TAF1B: variants seen among roughly 807,000 people sequenced by gnomAD.
The protein encoded by TAF1B is TATA box-binding protein-associated factor RNA polymerase I subunit B.
In TAF1B, 61 loss-of-function variants were observed where a neutral mutation model predicts 83.9. That is an observed-to-expected ratio of 0.73 (90% CI 0.59 to 0.90). The LOEUF (loss-of-function observed/expected upper bound fraction) is 0.90, where lower values mean the gene tolerates loss of function less well. Ranked by LOEUF, TAF1B falls within the 40% of genes least tolerant of loss-of-function variation. The pLI, the probability that TAF1B is intolerant of heterozygous loss-of-function variation, is 0.00. For synonymous variants in TAF1B, 221 were observed against 224.6 expected (o/e 0.98, Z 0.14); for missense variants, 625 against 677.0 (o/e 0.92, Z 0.85).
chr2:9,857,484 C>T (rs974384270), intron 5 of TAF1B, among the ~76,000 whole-genome samples: 1 of 152,188 alleles, frequency 6.6e-6, no homozygotes, highest in South Asian at 2.1e-4. Context: ...GAGTTGCCAT[C>T]AGCTGAAGGG....
chr2:9,921,369 G>A (rs1665873512), intron 14 of TAF1B, among the ~76,000 whole-genome samples: 1 of 152,214 alleles, frequency 6.6e-6, no homozygotes, highest in African/African-American at 2.4e-5. Context: ...TGGGATTACA[G>A]GTGTGAGCCA....
chr2:9,898,938 CT>C (rs368467402), intron 8 of TAF1B, among the ~76,000 whole-genome samples: 41,603 of 142,956 alleles, frequency 0.29, 6,582 homozygotes, highest in Middle Eastern at 0.4. Context: ...TTCCTTTTTT[CT>C]TTTTTTTTTT....
chr2:9,923,181 T>C (rs1225186664), intron 14 of TAF1B, among the ~76,000 whole-genome samples: 1 of 146,742 alleles, frequency 6.8e-6, no homozygotes, highest in Non-Finnish European at 1.5e-5. Flanking sequence ...TTGGTTGCAG[T>C]GAGCTGAGAG....
At chr2:9,855,169 A>G (rs1310899432) in intron 5 of TAF1B, among the ~76,000 whole-genome samples, 2 of 152,148 alleles carry the variant, frequency 1.3e-5, no homozygotes, top group South Asian at 4.2e-4. Flanking sequence ...TCATTTTTGT[A>G]TTTTTAGTAG....
In TAF1B at chr2:9,919,764, A is replaced by G. The variant is rs758184195; in HGVS notation, c.1509A>G (p.Gln503=). 7 of 1,614,098 alleles carry G rather than the reference A, an allele frequency of 4.3e-6. No homozygotes were observed. Among genetic ancestry groups the G allele is most frequent in the Non-Finnish European group, 5.9e-6 (7 of 1,180,040 alleles). ...SLQGVLKEKG[Q]SLLTKNSLYW... ...AGGGAGTCCTGAAAGAGAAAGGCCA[A>G]TCACTGCTGACTAAGAATTCATTAT... is the stretch of plus-strand genomic sequence containing the variant. The change falls in exon 14 of 15, where the codon CAA becomes CAG. Residue 503 remains glutamine (Q), a synonymous_variant. Transcript: ENST00000263663.
intron 2 of TAF1B, among the ~76,000 whole-genome samples, chr2:9,847,186 C>T (rs372238485): frequency 2.0e-5 from 3 of 152,184 alleles, no homozygotes; most frequent in African/African-American, 7.2e-5. Context: ...GGAAGACTGT[C>T]AACTCCTGTG....
chr2:9,913,070 G>T (rs1441903037), intron 11 of TAF1B, 89 bp from the exon 12 acceptor site: 39 of 1,063,568 alleles, frequency 3.7e-5, no homozygotes, highest in South Asian at 9.8e-5. Flanking sequence ...ACTGCCCAGT[G>T]CAGTCAATTA....
At chr2:9,882,062 G>A (rs1300744740) in intron 7 of TAF1B, among the ~76,000 whole-genome samples, 1 of 152,038 alleles carries the variant, frequency 6.6e-6, no homozygotes, top group African/African-American at 2.4e-5. Flanking sequence ...TGCCATGTTG[G>A]AAAGCCTAGT....
intron 5 of TAF1B, among the ~76,000 whole-genome samples, chr2:9,857,037 G>A (rs1235699857): frequency 6.6e-6 from 1 of 152,158 alleles, no homozygotes; most frequent in Non-Finnish European, 1.5e-5. Context: ...ATGTGCAGAA[G>A]AAGCAAATTA....
chr2:9,933,806 A>G lies in TAF1B; in HGVS notation c.1589A>G (p.Tyr530Cys), dbSNP rs781060198. ...CRCYCTHVTT[Y>C]EESNYSLSYQ... ...AGCTATTGTACACATGTGACAACCT[A>G]TGAAGAATCAAATTATTCTCTGAGT... Residue 530 changes from tyrosine (Y) to cysteine (C), a missense_variant, in exon 15 of 15, where the codon TAT becomes TGT. Transcript: ENST00000263663. The G allele has an allele frequency of 6.2e-6, 10 of 1,613,216 alleles. No homozygotes were observed. The highest frequency in any genetic ancestry group is 1.3e-5 in the African/African-American group (1 of 74,890).
In TAF1B at chr2:9,843,536, G is replaced by C. The variant is rs1396868927; in HGVS notation, c.-6G>C. 2 of 1,523,470 alleles carry C rather than the reference G, an allele frequency of 1.3e-6. No individual in the cohort carries two copies. The highest frequency in any genetic ancestry group is 4.0e-5 in the Admixed American group (2 of 49,864). The allele number at this position is 1,523,470 out of a possible 1,614,324, so 94.4% of individuals were successfully genotyped here. A position where few individuals can be genotyped will look rare whatever the true frequency, so the allele number is the denominator to read the frequency against. ...TCCCGGCTGTGGAAGCTCCCGCGGC[G>C]CCGCGATGGACCTCGAGGAGGCGGT... On this transcript the variant is annotated 5_prime_UTR_variant, in exon 1 of 15. Transcript: ENST00000263663.
At chr2:9,904,763 T>A in intron 8 of TAF1B, 96 bp from the exon 9 acceptor site, 1 of 1,223,704 alleles carries the variant, frequency 8.2e-7, no homozygotes, top group Non-Finnish European at 1.1e-6. Context: ...GTTATTTTTT[T>A]ACTTTTTAAT....
intron 8 of TAF1B, among the ~76,000 whole-genome samples, chr2:9,899,728 A>G: frequency 6.6e-6 from 1 of 152,248 alleles, no homozygotes; most frequent in East Asian, 1.9e-4. Context: ...AATAATGAGA[A>G]GTACAAAGAA....
intron 8 of TAF1B, among the ~76,000 whole-genome samples, chr2:9,890,502 T>C (rs1346808390): frequency 6.6e-6 from 1 of 152,172 alleles, no homozygotes; most frequent in Non-Finnish European, 1.5e-5. Flanking sequence ...AAAATTGTAG[T>C]CTCTGTTCAT....
intron 13 of TAF1B, 72 bp from the exon 14 acceptor site, chr2:9,919,526 A>C: frequency 1.5e-6 from 2 of 1,333,802 alleles, no homozygotes; most frequent in Non-Finnish European, 2.1e-6. Context: ...CATTCCTATC[A>C]AGTAAATTCC....
chr2:9,917,034 C>T (rs182633065), intron 12 of TAF1B, among the ~76,000 whole-genome samples: 5 of 151,956 alleles, frequency 3.3e-5, no homozygotes, highest in South Asian at 4.2e-4. Flanking sequence ...ACTAAAGAGA[C>T]GGGGTTTCTC....
rs57261740 is a variant in TAF1B, at chr2:9,908,028, C to CTTTTTTTTTTTTT, written c.956-2685_956-2673dup. On this transcript the variant is annotated intron_variant, in intron 9 of 14. Transcript: ENST00000263663. ...AGCGGAGCAGTTCAAGATCTTAATT[C>CTTTTTTTTTTTTT]TTTTTTTTTTTTTTTTTTTTTTTTT... Among the ~76,000 whole-genome samples the CTTTTTTTTTTTTT allele has an allele frequency of 9.8e-5, 7 of 71,768 alleles. 1 individual carries two copies. Among genetic ancestry groups the CTTTTTTTTTTTTT allele is most frequent in the African/African-American group, 3.9e-4 (5 of 12,710 alleles). The allele number at this position is 71,768 out of a possible 152,430, so 47.1% of individuals were successfully genotyped here. A position where few individuals can be genotyped will look rare whatever the true frequency, so the allele number is the denominator to read the frequency against.
chr2:9,853,123 T>C (rs1261376687), intron 4 of TAF1B, among the ~76,000 whole-genome samples: 1 of 152,258 alleles, frequency 6.6e-6, no homozygotes, highest in East Asian at 1.9e-4. Context: ...CAGTTTTATA[T>C]AGTTACACTA....
intron 7 of TAF1B, among the ~76,000 whole-genome samples, chr2:9,880,042 C>T (rs958232005): frequency 3.3e-5 from 5 of 152,100 alleles, no homozygotes; most frequent in African/African-American, 7.2e-5. Flanking sequence ...GGTGGAAGCA[C>T]GGAGACCAGG....
Sources: gnomAD v4.1 joint callset for allele counts (sites outside exome capture counted in the v4.1 genomes callset) on GRCh38, gnomAD v4.1.1 for gene constraint, MANE v1.5 for transcripts, NCBI Gene and HGNC (gene_info 2026-07-23, HGNC 2026-07-21) for gene names.